The following MARK2 variants were observed in gnomAD, a reference collection of about 807,000 sequenced individuals.
MARK2 encodes the protein serine/threonine-protein kinase MARK2.
Under a neutral mutation model 89.8 loss-of-function variants are expected in MARK2, and 16 were observed. The observed-to-expected ratio is 0.18, with a 90% confidence interval of 0.12 to 0.27. MARK2 has a LOEUF of 0.27. MARK2 is among the 10% of genes least tolerant of loss of function. The pLI, the probability that MARK2 is intolerant of heterozygous loss-of-function variation, is 1.00. For synonymous variants in MARK2, 382 were observed against 399.5 expected (o/e 0.96, Z 0.52); for missense variants, 621 against 1,049.9 (o/e 0.59, Z 5.65).
chr11:63,843,357 A>G (rs1201998968), intron 1 of MARK2, among the ~76,000 whole-genome samples: 1 of 152,108 alleles, frequency 6.6e-6, no homozygotes, highest in Non-Finnish European at 1.5e-5. Context: ...TCCATCTGGG[A>G]CCTGCCCCAC....
At position 63,839,459 on chromosome 11, in the gene MARK2, C is replaced by G. The variant is rs1315083524; in HGVS notation, c.-48C>G. The G allele has an allele frequency of 1.6e-6, 2 of 1,286,590 alleles. No individual in the cohort carries two copies. The highest frequency in any genetic ancestry group is 5.3e-5 in the East Asian group (2 of 37,690). The allele number at this position is 1,286,590 out of a possible 1,614,324, so 79.7% of individuals were successfully genotyped here. ...GGCCGGGCTCCGCGCCTTCCCTTCC[C>G]TCCCTTCCTCCAAGCTTCTCGGTTC... On this transcript the variant is annotated 5_prime_UTR_variant, in exon 1 of 19. Transcript: ENST00000402010.
At chr11:63,868,043 A>G (rs79545118) in intron 1 of MARK2, among the ~76,000 whole-genome samples, 253 of 152,332 alleles carry the variant, frequency 1.7e-3, no homozygotes, top group African/African-American at 5.9e-3. Flanking sequence ...CTGTTGGAGT[A>G]CTTTGCACAT....
intron 1 of MARK2, among the ~76,000 whole-genome samples, chr11:63,846,328 G>C (rs935197561): frequency 1.3e-5 from 2 of 151,900 alleles, no homozygotes; most frequent in Non-Finnish European, 2.9e-5. Flanking sequence ...ACCAGCCTGA[G>C]CAACATAGTG....
rs191623288 is a variant in MARK2, at chr11:63,906,655, C to T, written c.1961+541C>T. ...TTCCTGAACTTCAGAGCTATGTGAC[C>T]TCTTCCCCGTGGCCTATGGGATCGC... On this transcript the variant is annotated intron_variant, in intron 17 of 18. Coordinates refer to ENST00000402010, the MANE Select transcript of MARK2 (RefSeq NM_001039469.3). 2.1e-3 allele frequency among the ~76,000 whole-genome samples: 321 copies of T among 152,158 alleles called. 3 individuals are homozygous for T. Among genetic ancestry groups the T allele is most frequent in the African/African-American group, 7.2e-3 (300 of 41,516 alleles).
intron 1 of MARK2, among the ~76,000 whole-genome samples, chr11:63,875,415 C>T (rs768413420): frequency 7.9e-5 from 12 of 152,066 alleles, no homozygotes; most frequent in Non-Finnish European, 1.6e-4. Flanking sequence ...CCACCACGCC[C>T]AGCTAATTTT....
intron 1 of MARK2, among the ~76,000 whole-genome samples, chr11:63,844,084 C>T (rs559472368): frequency 1.3e-5 from 2 of 152,176 alleles, no homozygotes; most frequent in Admixed American, 1.3e-4. Flanking sequence ...TCGGCTTGGC[C>T]CTAGAGATCA....
At chr11:63,857,293 A>G (rs2016914633) in intron 1 of MARK2, among the ~76,000 whole-genome samples, 2 of 152,148 alleles carry the variant, frequency 1.3e-5, no homozygotes, top group South Asian at 4.2e-4. Context: ...CTGCCTTCCC[A>G]GTAGCTGGGA....
At chr11:63,908,519 T>C (rs1197281571) in intron 18 of MARK2, among the ~76,000 whole-genome samples, 2 of 152,138 alleles carry the variant, frequency 1.3e-5, no homozygotes, top group African/African-American at 4.8e-5. Flanking sequence ...ATTCTGGAAG[T>C]CGGAGTTCTG....
At position 63,903,428 on chromosome 11, in the gene MARK2, G is replaced by A; in HGVS notation, c.1514+270G>A. On this transcript the variant is annotated intron_variant, in intron 14 of 18. Coordinates refer to ENST00000402010, the MANE Select transcript of MARK2 (RefSeq NM_001039469.3). This position sits in a 1 kb window ranked among gnomAD's most constrained non-coding sequence, Gnocchi z 5.1. ...ATGCTCGCTTCTTGACCACGGCCAG[G>A]GCATGGCAGCTGCCCTCCTCTAGAC... The A allele has an allele frequency of 2.1e-6, 1 of 479,464 alleles. No homozygotes were observed. Among genetic ancestry groups the A allele is most frequent in the African/African-American group, 2.0e-5 (1 of 51,012 alleles). 29.7% of individuals were successfully genotyped at this position (479,464 alleles called of 1,614,324 possible).
chr11:63,883,564 A>C (rs10897458), intron 1 of MARK2, among the ~76,000 whole-genome samples: 2 of 151,720 alleles, frequency 1.3e-5, no homozygotes, highest in Non-Finnish European at 2.9e-5. Context: ...TCTATGGTAA[A>C]CACTGACATG....
intron 1 of MARK2, among the ~76,000 whole-genome samples, chr11:63,889,393 C>T (rs1035444745): frequency 4.6e-5 from 7 of 152,234 alleles, no homozygotes; most frequent in Non-Finnish European, 1.0e-4. Context: ...TCTCAGCCCT[C>T]GGGAAGCCAA....
intron 1 of MARK2, among the ~76,000 whole-genome samples, chr11:63,862,978 T>C (rs1401919799): frequency 3.3e-5 from 5 of 152,200 alleles, no homozygotes; most frequent in Admixed American, 3.3e-4. Context: ...TGTGTGCCAC[T>C]TGCACACACA....
At chr11:63,890,173 G>A in intron 1 of MARK2, 1 of 1,214,542 alleles carries the variant, frequency 8.2e-7, no homozygotes, top group Non-Finnish European at 1.1e-6. Context: ...ATTTCTGTTG[G>A]AGACTCTCTC....
rs568546681 is a variant in MARK2 at position 63,890,630 on chromosome 11, G to A, written c.55-4529G>A. ...GGGCACTCAACCTGGCCCCTTCTGCGGAAAGGCCCGTAGCATCTCTTGTCA... is the reference window on the plus strand; with the variant it reads ...GGGCACTCAACCTGGCCCCTTCTGCAGAAAGGCCCGTAGCATCTCTTGTCA... On this transcript the variant is annotated intron_variant, in intron 1 of 18. Transcript: ENST00000402010. Among the ~76,000 whole-genome samples, 7 of 152,336 alleles carry A rather than the reference G, an allele frequency of 4.6e-5. No individual in the cohort carries two copies. The East Asian group carries it at 1.3e-3, about 29-fold the overall frequency.
intron 1 of MARK2, among the ~76,000 whole-genome samples, chr11:63,844,794 A>C (rs2016195286): frequency 6.6e-6 from 1 of 152,190 alleles, no homozygotes; most frequent in Admixed American, 6.5e-5. Flanking sequence ...GAACAACCCA[A>C]TTCTCAGTGG....
chr11:63,870,678 A>G (rs919908238), intron 1 of MARK2, among the ~76,000 whole-genome samples: 8 of 152,242 alleles, frequency 5.3e-5, no homozygotes, highest in African/African-American at 1.9e-4. Context: ...GAGGCCGTTC[A>G]GCAAGCAATG....
intron 1 of MARK2, among the ~76,000 whole-genome samples, chr11:63,853,268 G>A (rs558169909): frequency 7.9e-5 from 12 of 152,000 alleles, no homozygotes; most frequent in African/African-American, 2.2e-4. Context: ...GCGTGGTGGC[G>A]CATGCCTGTA....
intron 1 of MARK2, among the ~76,000 whole-genome samples, chr11:63,865,307 C>T (rs1938067703): frequency 2.0e-5 from 3 of 151,216 alleles, no homozygotes; most frequent in African/African-American, 7.3e-5. Flanking sequence ...GGTGTGATCT[C>T]AGCTCACTGC....
At chr11:63,905,635 G>C (rs1306635122) in intron 16 of MARK2, among the ~76,000 whole-genome samples, 2 of 152,226 alleles carry the variant, frequency 1.3e-5, no homozygotes, top group Admixed American at 6.5e-5. Flanking sequence ...TTGGACCCAG[G>C]GTGGGGATCT....
Sources: allele counts gnomAD v4.1 joint callset (sites outside exome capture counted in the v4.1 genomes callset), GRCh38; gene constraint gnomAD v4.1.1; non-coding constraint Gnocchi (gnomAD v3.1); transcripts MANE v1.5; gene names NCBI Gene and HGNC (gene_info 2026-07-23, HGNC 2026-07-21).